The following CADM2 variants were observed in gnomAD, a reference collection of about 807,000 sequenced individuals.
CADM2 encodes immunoglobulin superfamily member 4D.
A neutral mutation model predicts 49.8 loss-of-function variants in CADM2; 12 were observed. The observed-to-expected ratio is 0.24, with a 90% CI of 0.15 to 0.39. The LOEUF (loss-of-function observed/expected upper bound fraction) is 0.39, where lower values mean the gene tolerates loss of function less well. Among genes scored for constraint, CADM2 ranks in the 10% least tolerant of loss-of-function variants. The pLI is 1.00. For missense variants in CADM2, 378 were observed against 492.3 expected, an observed-to-expected ratio of 0.77 and a Z score of 2.20; for synonymous variants, 214 against 175.4, an observed-to-expected ratio of 1.22 and a Z score of -1.74.
Position 85,186,035 on chromosome 3 carries a change from T to G in CADM2, c.61+226367T>G, listed in dbSNP as rs1576069307. ...TCCTGCCATGGTAAGGCAGCAGGCC[T>G]CAGCACGGAACTTGATATAGCACAA... On this transcript the variant is annotated intron_variant, in intron 1 of 9. Transcript: ENST00000383699. Among the ~76,000 whole-genome samples, 3 of 152,220 alleles carry G rather than the reference T, an allele frequency of 2.0e-5. No homozygotes were observed. The East Asian group carries it at 5.8e-4, about 29-fold the overall frequency.
chr3:85,086,765 T>C (rs540108869), intron 1 of CADM2, among the ~76,000 whole-genome samples: 12 of 152,206 alleles, frequency 7.9e-5, no homozygotes, highest in African/African-American at 2.9e-4. Flanking sequence ...CACCTCTGCC[T>C]CCCAAAGTGC....
At chr3:85,562,579 C>T (rs919908316) in intron 1 of CADM2, among the ~76,000 whole-genome samples, 1 of 150,810 alleles carries the variant, frequency 6.6e-6, no homozygotes, top group Non-Finnish European at 1.5e-5. Context: ...TGAAACATTG[C>T]TACTTCCCTT....
In CADM2 at chr3:86,069,457, T is replaced by C. The variant is rs1739649351; in HGVS notation, c.*2674T>C. On this transcript the variant is annotated 3_prime_UTR_variant, in exon 10 of 10. Transcript: ENST00000383699. Reference sequence around the variant, plus strand: ...CCATGTTCTGAACTGGAGAAAACAATATCAATGAAGTCATATTTTCATACC... The same window carrying C: ...CCATGTTCTGAACTGGAGAAAACAACATCAATGAAGTCATATTTTCATACC... 4 of 152,004 alleles carry C rather than the reference T, an allele frequency of 2.6e-5. No homozygotes were observed. The highest frequency in any genetic ancestry group is 9.7e-5 in the African/African-American group (4 of 41,430). 9.4% of individuals were successfully genotyped at this position (152,004 alleles called of 1,614,324 possible).
chr3:85,920,004 A>G lies in CADM2; in HGVS notation c.700+7461A>G, dbSNP rs144620810. On this transcript the variant is annotated intron_variant, in intron 6 of 9. Coordinates refer to ENST00000383699, the MANE Select transcript of CADM2 (RefSeq NM_001167675.2). Reference sequence around the variant, plus strand: ...TGTCCTTTTTCACTTGTAAAAAGTAATAAAGTTCTTATCTATGCAGTCTAC... The same window carrying G: ...TGTCCTTTTTCACTTGTAAAAAGTAGTAAAGTTCTTATCTATGCAGTCTAC... Among the ~76,000 whole-genome samples, 1,207 of 151,968 alleles carry G rather than the reference A, an allele frequency of 7.9e-3. 17 individuals carry two copies. Among genetic ancestry groups the G allele is most frequent in the African/African-American group, 0.026 (1,063 of 41,526 alleles).
intron 8 of CADM2, among the ~76,000 whole-genome samples, chr3:85,992,024 C>G (rs981636676): frequency 2.0e-5 from 3 of 151,706 alleles, no homozygotes; most frequent in African/African-American, 7.2e-5. Context: ...GCAGAAAAAC[C>G]ACATTAGTTA....
At position 85,085,816 on chromosome 3, in the gene CADM2, C is replaced by A. The variant is rs575194326; in HGVS notation, c.61+126148C>A. On this transcript the variant is annotated intron_variant, in intron 1 of 9. Transcript: ENST00000383699. ...CATCAATTAATTCCGCAAACTATAT[C>A]ATTCTAATTCTCTCTTATGCCTTGC... Among the ~76,000 whole-genome samples, 6 of 152,254 alleles carry A rather than the reference C, an allele frequency of 3.9e-5. No homozygotes were observed. In the East Asian group the frequency reaches 9.7e-4, roughly 25 times the overall value.
At chr3:84,973,771 T>C (rs1301762168) in intron 1 of CADM2, among the ~76,000 whole-genome samples, 1 of 152,196 alleles carries the variant, frequency 6.6e-6, no homozygotes, top group Non-Finnish European at 1.5e-5. Context: ...GAAACAATGC[T>C]CCTTACACTG....
At chr3:85,889,385 GA>G (rs1158664890) in intron 5 of CADM2, among the ~76,000 whole-genome samples, 1 of 152,154 alleles carries the variant, frequency 6.6e-6, no homozygotes, top group Admixed American at 6.5e-5. Flanking sequence ...CTGAATCTCA[GA>G]TTATCAGGCC....
intron 1 of CADM2, among the ~76,000 whole-genome samples, chr3:85,136,551 AATTTATCTATT>A (rs1252219880): frequency 1.3e-5 from 2 of 152,016 alleles, no homozygotes; most frequent in East Asian, 3.8e-4. Flanking sequence ...ATGAATACAT[AATTTATCTATT>A]TTCTAGACTA....
At chr3:85,123,761 C>A (rs887644371) in intron 1 of CADM2, among the ~76,000 whole-genome samples, 1 of 152,006 alleles carries the variant, frequency 6.6e-6, no homozygotes, top group African/African-American at 2.4e-5. Context: ...TTTATCTTAT[C>A]CCACAGATAT....
intron 8 of CADM2, among the ~76,000 whole-genome samples, chr3:86,007,152 G>A (rs1046254637): frequency 4.7e-5 from 5 of 106,862 alleles, no homozygotes; most frequent in African/African-American, 1.1e-4. Flanking sequence ...CCATTCTCCC[G>A]AAATTCTTAT....
intron 8 of CADM2, among the ~76,000 whole-genome samples, chr3:86,040,701 G>A (rs1735781556): frequency 6.6e-6 from 1 of 152,142 alleles, no homozygotes; most frequent in South Asian, 2.1e-4. Flanking sequence ...AGCAAGACAG[G>A]CCAACATTCA....
intron 1 of CADM2, among the ~76,000 whole-genome samples, chr3:85,378,878 A>C (rs2033739907): frequency 6.6e-6 from 1 of 152,014 alleles, no homozygotes; most frequent in Admixed American, 6.6e-5. Flanking sequence ...TTATTGCAAT[A>C]AAGTAAAATA....
chr3:85,936,008 A>G, intron 7 of CADM2, 151 bp downstream of exon 7: 2 of 485,978 alleles, frequency 4.1e-6, no homozygotes, highest in Non-Finnish European at 7.6e-6. Context: ...CCATGTCTTC[A>G]TTAAGGTCTA....
intron 1 of CADM2, among the ~76,000 whole-genome samples, chr3:85,032,626 T>C (rs2107330850): frequency 6.6e-6 from 1 of 152,324 alleles, no homozygotes; most frequent in Non-Finnish European, 1.5e-5. Context: ...TACCTGTCTC[T>C]CCCTTTAATC....
intron 8 of CADM2, among the ~76,000 whole-genome samples, chr3:85,996,632 C>G (rs1729457660): frequency 6.6e-6 from 1 of 152,002 alleles, no homozygotes; most frequent in Admixed American, 6.6e-5. Context: ...TTTAATAATA[C>G]ATAGATAATA....
chr3:85,259,961 C>T (rs2042978011), intron 1 of CADM2, among the ~76,000 whole-genome samples: 1 of 151,980 alleles, frequency 6.6e-6, no homozygotes, highest in South Asian at 2.1e-4. Flanking sequence ...GAAGATGAGT[C>T]AACTCTTAAA....
At chr3:85,103,749 T>C (rs972898352) in intron 1 of CADM2, among the ~76,000 whole-genome samples, 7 of 152,118 alleles carry the variant, frequency 4.6e-5, no homozygotes, top group Non-Finnish European at 1.0e-4. Context: ...CAAAAGCACA[T>C]ACGAAACAAT....
chr3:85,829,114 A>G lies in CADM2; in HGVS notation c.238+26918A>G, dbSNP rs533153897. ...TATAAATGGTAAGTAATTCAAGATT[A>G]TGTGTGTGAATAATTTAAAGACATA... On this transcript the variant is annotated intron_variant, in intron 3 of 9. Coordinates refer to ENST00000383699, the MANE Select transcript of CADM2 (RefSeq NM_001167675.2). Among the ~76,000 whole-genome samples, 20 of 152,102 alleles carry G rather than the reference A, an allele frequency of 1.3e-4. No individual in the cohort carries two copies. In the South Asian group the frequency reaches 3.5e-3, roughly 27 times the overall value.
Sources: allele counts gnomAD v4.1 joint callset (sites outside exome capture counted in the v4.1 genomes callset), GRCh38; gene constraint gnomAD v4.1.1; transcripts MANE v1.5; gene names NCBI Gene and HGNC (gene_info 2026-07-23, HGNC 2026-07-21).